SLC35G2: variants seen among roughly 807,000 people sequenced by gnomAD.
The protein encoded by SLC35G2 is solute carrier family 35 member G2, also known as transmembrane protein 22.
A neutral mutation model predicts 27.2 loss-of-function variants in SLC35G2; 20 were observed. That is an observed-to-expected ratio of 0.74 (90% CI 0.52 to 1.07). SLC35G2 has a LOEUF of 1.07. SLC35G2 is among the 50% of genes least tolerant of loss of function. SLC35G2 has a pLI of 0.00. For missense variants in SLC35G2, 416 were observed against 493.3 expected, an observed-to-expected ratio of 0.84 and a Z score of 1.48; for synonymous variants, 148 against 165.3, an observed-to-expected ratio of 0.90 and a Z score of 0.80.
At chr3:136,840,277 C>G (rs1937029865) in intron 1 of SLC35G2, among the ~76,000 whole-genome samples, 1 of 152,192 alleles carries the variant, frequency 6.6e-6, no homozygotes, top group Admixed American at 6.5e-5. Flanking sequence ...GCTTATCATT[C>G]ACCCTAGTGT....
At position 136,831,658 on chromosome 3, in the gene SLC35G2, C is replaced by T. The variant is rs897720272; in HGVS notation, c.-19+12030C>T. 1.1e-4 allele frequency among the ~76,000 whole-genome samples: 17 copies of T among 152,084 alleles called. No individual in the cohort carries two copies. In the South Asian group the frequency reaches 3.3e-3, roughly 30 times the overall value. On this transcript the variant is annotated intron_variant, in intron 1 of 1. Coordinates refer to ENST00000446465, the MANE Select transcript of SLC35G2 (RefSeq NM_025246.3). ...GTGGGTGGGAATTTGCCAGAAATTG[C>T]TTTGTTGGGCATTAAGTAGCTGATA...
intron 1 of SLC35G2, among the ~76,000 whole-genome samples, chr3:136,848,282 T>G (rs995633121): frequency 2.6e-5 from 4 of 152,146 alleles, no homozygotes; most frequent in African/African-American, 9.7e-5. Flanking sequence ...AACAGCAACT[T>G]AGATAGATTA....
chr3:136,849,016 C>G (rs1937515401), intron 1 of SLC35G2, among the ~76,000 whole-genome samples: 1 of 151,932 alleles, frequency 6.6e-6, no homozygotes, highest in African/African-American at 2.4e-5. Context: ...CCTGTCTCTA[C>G]TAAAAATACA....
chr3:136,844,211 CA>C (rs1207745164), intron 1 of SLC35G2, among the ~76,000 whole-genome samples: 1 of 151,140 alleles, frequency 6.6e-6, no homozygotes, highest in Non-Finnish European at 1.5e-5. Context: ...AAAAAACAGC[CA>C]GGCGCGGTGG....
At chr3:136,832,542 T>C (rs927743199) in intron 1 of SLC35G2, among the ~76,000 whole-genome samples, 1 of 152,228 alleles carries the variant, frequency 6.6e-6, no homozygotes, top group African/African-American at 2.4e-5. Context: ...TTCTCACCCA[T>C]TAACATTTAA....
At chr3:136,851,216 C>T (rs1046185379) in intron 1 of SLC35G2, among the ~76,000 whole-genome samples, 18 of 150,600 alleles carry the variant, frequency 1.2e-4, no homozygotes, top group African/African-American at 2.9e-4. Flanking sequence ...CAATGTTGGC[C>T]GGGCGCGGTG....
chr3:136,842,017 TAA>T (rs1056203320), intron 1 of SLC35G2: 1 of 152,306 alleles, frequency 6.6e-6, no homozygotes, highest in Admixed American at 6.5e-5. Context: ...TAAGTTGTCT[TAA>T]TATTTCTGAT....
At chr3:136,821,882 C>T (rs974863848) in intron 1 of SLC35G2, among the ~76,000 whole-genome samples, 1 of 152,200 alleles carries the variant, frequency 6.6e-6, no homozygotes, top group Non-Finnish European at 1.5e-5. Flanking sequence ...TGATTTTCCC[C>T]TGCCCTCCAG....
intron 1 of SLC35G2, among the ~76,000 whole-genome samples, chr3:136,827,857 C>G (rs1273012755): frequency 6.7e-6 from 1 of 149,402 alleles, no homozygotes. Flanking sequence ...TTTTTTGAGA[C>G]AGGGTCTTGC....
At chr3:136,851,417 G>A (rs1463174190) in intron 1 of SLC35G2, among the ~76,000 whole-genome samples, 1 of 133,826 alleles carries the variant, frequency 7.5e-6, no homozygotes, top group Admixed American at 9.1e-5. Context: ...AGAATGGTGT[G>A]AACCCGGGAG....
intron 1 of SLC35G2, among the ~76,000 whole-genome samples, chr3:136,822,660 A>G (rs996269874): frequency 1.2e-4 from 18 of 152,208 alleles, no homozygotes; most frequent in African/African-American, 4.3e-4. Context: ...TTTAGATCCC[A>G]CAGATAAGTG....
intron 1 of SLC35G2, among the ~76,000 whole-genome samples, chr3:136,837,142 CAA>C (rs1491234274): frequency 6.7e-6 from 1 of 149,348 alleles, no homozygotes; most frequent in African/African-American, 2.5e-5. Flanking sequence ...TACACACACA[CAA>C]CACACACACA....
At chr3:136,826,029 C>T (rs1003030196) in intron 1 of SLC35G2, among the ~76,000 whole-genome samples, 1 of 148,596 alleles carries the variant, frequency 6.7e-6, no homozygotes, top group East Asian at 2.0e-4. Flanking sequence ...CTTTTCTTTT[C>T]TTTATTTTAT....
At chr3:136,838,292 CACAACGTG>C (rs1222304042) in intron 1 of SLC35G2, 2 of 144,256 alleles carry the variant, frequency 1.4e-5, no homozygotes, top group Non-Finnish European at 3.0e-5. Flanking sequence ...TAAATGCACA[CACAACGTG>C]TGTGTGCTTG....
At chr3:136,836,316 G>A (rs974282876) in intron 1 of SLC35G2, among the ~76,000 whole-genome samples, 5 of 151,848 alleles carry the variant, frequency 3.3e-5, no homozygotes, top group African/African-American at 9.7e-5. Context: ...CATTATCCTC[G>A]ATATATTTAA....
At chr3:136,827,929 C>T (rs1029605981) in intron 1 of SLC35G2, among the ~76,000 whole-genome samples, 8 of 151,498 alleles carry the variant, frequency 5.3e-5, no homozygotes, top group South Asian at 2.1e-4. Flanking sequence ...TGGGTTCAAG[C>T]GATTTTCCTG....
intron 1 of SLC35G2, among the ~76,000 whole-genome samples, chr3:136,825,174 C>A (rs113192892): frequency 6.6e-6 from 1 of 151,510 alleles, no homozygotes; most frequent in South Asian, 2.1e-4. Flanking sequence ...TTTTCTAGAT[C>A]TTGAAGGAAA....
chr3:136,849,701 C>CAGGCT (rs1236061950), intron 1 of SLC35G2, among the ~76,000 whole-genome samples: 1 of 151,430 alleles, frequency 6.6e-6, no homozygotes, highest in Non-Finnish European at 1.5e-5. Flanking sequence ...CCATGTTGGC[C>CAGGCT]AGGCTGGTCT....
chr3:136,824,991 A>C (rs998925566), intron 1 of SLC35G2, among the ~76,000 whole-genome samples: 5 of 152,068 alleles, frequency 3.3e-5, no homozygotes, highest in African/African-American at 1.2e-4. Context: ...CTATGAGTGA[A>C]AACATGCGGT....
Sources: allele counts gnomAD v4.1 joint callset (sites outside exome capture counted in the v4.1 genomes callset), GRCh38; gene constraint gnomAD v4.1.1; transcripts MANE v1.5; gene names NCBI Gene and HGNC (gene_info 2026-07-23, HGNC 2026-07-21).